The following PRPF3 variants were observed in gnomAD, a reference collection of about 807,000 sequenced individuals.
PRPF3 encodes pre-mRNA processing factor 3.
Under a neutral mutation model 89.2 loss-of-function variants are expected in PRPF3, and 3 were observed. The ratio of observed to expected loss-of-function variants is 0.03; its 90% CI spans 0.02 to 0.09. PRPF3 has a LOEUF of 0.09. Among genes scored for constraint, PRPF3 ranks in the 10% least tolerant of loss-of-function variants. The pLI, the probability that PRPF3 is intolerant of heterozygous loss-of-function variation, is 1.00. For synonymous variants in PRPF3, 270 were observed against 289.1 expected (o/e 0.93, Z 0.67); for missense variants, 463 against 828.8 (o/e 0.56, Z 5.42).
In PRPF3 at chr1:150,334,920, C is replaced by T. The variant is rs587746193; in HGVS notation, c.729-15C>T. The T allele has an allele frequency of 1.9e-4, 304 of 1,613,548 alleles. 2 individuals carry two copies. The South Asian group carries it at 3.1e-3, about 17-fold the overall frequency. On this transcript the variant is annotated splice_polypyrimidine_tract_variant and intron_variant, in intron 6 of 15. Coordinates refer to ENST00000324862, the MANE Select transcript of PRPF3 (RefSeq NM_004698.4). ...GTTCCATACAGGATTTATTTCTTTGCGGGCTATTTTTCAGGAAGGTGGAGT... is the reference window on the plus strand; with the variant it reads ...GTTCCATACAGGATTTATTTCTTTGTGGGCTATTTTTCAGGAAGGTGGAGT...
At chr1:150,347,330 TACAC>T (rs1199999326) in intron 14 of PRPF3, among the ~76,000 whole-genome samples, 4 of 151,410 alleles carry the variant, frequency 2.6e-5, no homozygotes, top group East Asian at 1.9e-4. Context: ...ATACACACAA[TACAC>T]ACACATACAT....
chr1:150,331,976 G>A (rs1180367685), intron 4 of PRPF3, among the ~76,000 whole-genome samples: 1 of 152,036 alleles, frequency 6.6e-6, no homozygotes, highest in Non-Finnish European at 1.5e-5. Context: ...TGTAATCCCA[G>A]CACTTTGAGA....
chr1:150,332,569 G>T, intron 4 of PRPF3, 115 bp from the exon 5 acceptor site: 1 of 998,346 alleles, frequency 1.0e-6, no homozygotes, highest in Non-Finnish European at 1.6e-6. Flanking sequence ...ATGTGGTATA[G>T]TCATTCAAAA....
chr1:150,344,035 G>T, intron 10 of PRPF3, 127 bp from the exon 11 acceptor site: 4 of 811,802 alleles, frequency 4.9e-6, no homozygotes, highest in Non-Finnish European at 8.3e-6. Context: ...GGAGTTATTG[G>T]AGGAAGTGAG....
intron 8 of PRPF3, among the ~76,000 whole-genome samples, chr1:150,339,765 A>T (rs1207383577): frequency 8.0e-6 from 1 of 124,670 alleles, no homozygotes; most frequent in African/African-American, 3.2e-5. Flanking sequence ...TTTTTTTAAG[A>T]CAGAGTCTCA....
Position 150,338,231 on chromosome 1 carries a change from G to C in PRPF3, c.1107G>C (p.Arg369Ser). 6.2e-7 allele frequency: 1 copy of C among 1,614,078 alleles called. No individual in the cohort carries two copies. The highest frequency in any genetic ancestry group is 1.3e-5 in the African/African-American group (1 of 75,014). Residue 369 changes from arginine to serine, a missense_variant, in exon 8 of 16, where the codon AGG (arginine) becomes AGC (serine). By Grantham distance (110) the Arg-to-Ser change is moderately radical (BLOSUM62 -1). Transcript: ENST00000324862. ...AAACAGGCATCCATACTTCGACTAG[G>C]CTTGCCCTCATTGCTCCTAAGAAGG... Reference protein sequence around the residue: ...ARKTGIHTSTRLALIAPKKEL... With the variant: ...ARKTGIHTSTSLALIAPKKEL...
chr1:150,343,579 T>C (rs984936501), intron 10 of PRPF3, 127 bp downstream of exon 10: 2 of 1,287,698 alleles, frequency 1.6e-6, no homozygotes, highest in Admixed American at 2.0e-5. Context: ...GGGTCCTTTT[T>C]CTCCAAGTTT....
Position 150,324,878 on chromosome 1 carries a change from C to CTT in PRPF3, c.-48-16_-48-15insTT. 4.7e-6 allele frequency: 3 copies of CTT among 640,346 alleles called. No individual in the cohort carries two copies. Among genetic ancestry groups the CTT allele is most frequent in the Non-Finnish European group, 7.0e-6 (3 of 429,720 alleles). The allele number at this position is 640,346 out of a possible 1,614,324, so 39.7% of individuals were successfully genotyped here. A position where few individuals can be genotyped will look rare whatever the true frequency, so the allele number is the denominator to read the frequency against. ...AGTCTTTTCTTATTCTCTAACTTGT[C>CTT]TCTTTTTTTTTTTTAGGTGTAGTAT... On this transcript the variant is annotated splice_polypyrimidine_tract_variant and intron_variant, in intron 1 of 15. Coordinates refer to ENST00000324862, the MANE Select transcript of PRPF3 (RefSeq NM_004698.4).
chr1:150,342,792 A>G (rs1156762600), intron 9 of PRPF3, among the ~76,000 whole-genome samples: 2 of 151,514 alleles, frequency 1.3e-5, no homozygotes, highest in Non-Finnish European at 2.9e-5. Context: ...AAGTGCTGGG[A>G]TTACAGGTGT....
intron 4 of PRPF3, among the ~76,000 whole-genome samples, chr1:150,328,686 G>A (rs1356806614): frequency 1.3e-5 from 2 of 150,428 alleles, no homozygotes; most frequent in African/African-American, 2.4e-5. Flanking sequence ...CTGAGTAGCT[G>A]GGATTAGAGG....
Position 150,332,730 on chromosome 1 carries a change from A to G in PRPF3, c.470A>G (p.Lys157Arg). 2 of 1,614,168 alleles carry G rather than the reference A, an allele frequency of 1.2e-6. No homozygotes were observed. The highest frequency in any genetic ancestry group is 1.7e-6 in the Non-Finnish European group (2 of 1,180,030). Residue 157 changes from lysine (K) to arginine (R), a missense_variant, in exon 5 of 16, where the codon AAA becomes AGA. Lys to Arg is a conservative substitution (Grantham distance 26, BLOSUM62 2). This residue lies in a region of PRPF3 where 38 missense variants were observed against 48.3 expected (regional missense o/e 0.79). Coordinates refer to ENST00000324862, the MANE Select transcript of PRPF3 (RefSeq NM_004698.4). ...EAATRQIEER[K>R]KQLSFISPPT... The stretch of plus-strand genomic sequence containing the variant: ...GCAACACGACAAATCGAGGAGAGGA[A>G]AAAACAGCTGAGCTTCATTAGCCCC...
At chr1:150,350,967 AAAAAAG>A (rs1658869004) in intron 15 of PRPF3, among the ~76,000 whole-genome samples, 1 of 151,796 alleles carries the variant, frequency 6.6e-6, no homozygotes, top group Non-Finnish European at 1.5e-5. Context: ...TCTTAAAAAA[AAAAAAG>A]AAAAAGTCTC....
Position 150,333,301 on chromosome 1 carries a change from T to C in PRPF3, c.728+102T>C, listed in dbSNP as rs1656616729. ...CTGGCTGGGCGCAGTGCCTCAGGCC[T>C]GTAATCGTAGCACTTTGGGAGGCTG... is the stretch of plus-strand genomic sequence containing the variant. On this transcript the variant is annotated intron_variant, in intron 6 of 15. Coordinates refer to ENST00000324862, the MANE Select transcript of PRPF3 (RefSeq NM_004698.4). The C allele has an allele frequency of 2.3e-6, 3 of 1,308,394 alleles. No individual in the cohort carries two copies. In the Admixed American group the frequency reaches 5.9e-5, roughly 26 times the overall value. 81.0% of individuals were successfully genotyped at this position (1,308,394 alleles called of 1,614,324 possible). A position where few individuals can be genotyped will look rare whatever the true frequency, so the allele number is the denominator to read the frequency against.
chr1:150,331,305 G>A (rs1656353642), intron 4 of PRPF3, among the ~76,000 whole-genome samples: 1 of 152,118 alleles, frequency 6.6e-6, no homozygotes, highest in Non-Finnish European at 1.5e-5. Flanking sequence ...CCAAAGTATT[G>A]GGATTACAGG....
chr1:150,338,538 T>A (rs143990609), intron 8 of PRPF3, among the ~76,000 whole-genome samples: 2,034 of 147,986 alleles, frequency 0.014, 53 homozygotes, highest in African/African-American at 0.048. Flanking sequence ...TCTCGCTCTG[T>A]CACCCAGGCT....
chr1:150,329,106 G>A (rs908267734), intron 4 of PRPF3, among the ~76,000 whole-genome samples: 4 of 146,810 alleles, frequency 2.7e-5, no homozygotes, highest in South Asian at 4.3e-4. Context: ...CTCAGCTCAC[G>A]GCAACCTCCA....
rs782755257 is a variant in PRPF3, at chr1:150,332,712, G to A, written c.452G>A (p.Arg151Gln). The A allele has an allele frequency of 1.2e-6, 2 of 1,614,068 alleles. No individual in the cohort carries two copies. Among genetic ancestry groups the A allele is most frequent in the Admixed American group, 1.7e-5 (1 of 60,006 alleles). The change falls in exon 5 of 16, where the codon CGA (arginine) becomes CAA (glutamine). Residue 151 changes from arginine to glutamine, a missense_variant. Arg to Gln is a conservative substitution (Grantham distance 43). Coordinates refer to ENST00000324862, the MANE Select transcript of PRPF3 (RefSeq NM_004698.4). ...AAACAGATGATGGAGGCAGCAACAC[G>A]ACAAATCGAGGAGAGGAAAAAACAG... ...QIKQMMEAAT[R>Q]QIEERKKQLS...
intron 1 of PRPF3, among the ~76,000 whole-genome samples, chr1:150,323,173 CTTTTTTTTT>C (rs71083901): frequency 6.2e-5 from 3 of 48,270 alleles, no homozygotes; most frequent in South Asian, 2.3e-3. Context: ...CCGCACCTGG[CTTTTTTTTT>C]TTTTTTTTTT....
rs1324401622 is a variant in PRPF3, at chr1:150,335,156, T to C, written c.950T>C (p.Ile317Thr). Reference protein sequence around the residue: ...SNTFFDPRVSIAPSQRQRRTF... With the variant: ...SNTFFDPRVSTAPSQRQRRTF... Reference sequence around the variant, plus strand: ...ACCTTTTTTGACCCCCGAGTCTCCATTGCCCCTTCCCAGCGCCAGAGACGC... The same window carrying C: ...ACCTTTTTTGACCCCCGAGTCTCCACTGCCCCTTCCCAGCGCCAGAGACGC... The change falls in exon 7 of 16, where the codon ATT becomes ACT. Residue 317 changes from isoleucine to threonine, a missense_variant. Ile to Thr is a moderately conservative substitution (Grantham distance 89, BLOSUM62 -1). This residue lies in a region of PRPF3 where 261 missense variants were observed against 475.8 expected (regional missense o/e 0.55). Transcript: ENST00000324862. 1.2e-6 allele frequency: 2 copies of C among 1,614,042 alleles called. No homozygotes were observed. Among genetic ancestry groups the C allele is most frequent in the South Asian group, 1.1e-5 (1 of 91,080 alleles).
Sources: allele counts gnomAD v4.1 joint callset (sites outside exome capture counted in the v4.1 genomes callset), GRCh38; gene constraint gnomAD v4.1.1; regional missense constraint gnomAD v4.1.1; transcripts MANE v1.5; gene names NCBI Gene and HGNC (gene_info 2026-07-23, HGNC 2026-07-21).